EPB41L4A: variants seen among roughly 807,000 people sequenced by gnomAD.
The protein encoded by EPB41L4A is erythrocyte membrane protein band 4.1 like 4A.
EPB41L4A carries 100 observed loss-of-function variants against 108.6 expected under a neutral mutation model. The ratio of observed to expected loss-of-function variants is 0.92; its 90% CI spans 0.78 to 1.09. EPB41L4A has a LOEUF of 1.09. EPB41L4A is among the 50% of genes least tolerant of loss of function. The pLI is 0.00. For missense variants in EPB41L4A, 1,030 were observed against 842.7 expected, an observed-to-expected ratio of 1.22 and a Z score of -2.75; for synonymous variants, 319 against 289.0, an observed-to-expected ratio of 1.10 and a Z score of -1.05.
At chr5:112,364,973 A>ATTTACC (rs1480656404) in intron 1 of EPB41L4A, among the ~76,000 whole-genome samples, 1 of 152,202 alleles carries the variant, frequency 6.6e-6, no homozygotes, top group African/African-American at 2.4e-5. Context: ...ATCTAAGATT[A>ATTTACC]AGATAAATAT....
At chr5:112,419,300 T>G, upstream of EPB41L4A, 1 of 353,256 alleles carries the variant, frequency 2.8e-6, no homozygotes. Context: ...CGGTGGCGCG[T>G]CCCCGCGCAT....
chr5:112,404,716 C>T (rs1011753675), intron 1 of EPB41L4A, among the ~76,000 whole-genome samples: 1 of 152,152 alleles, frequency 6.6e-6, no homozygotes, highest in Non-Finnish European at 1.5e-5. Context: ...CAAAGCATAA[C>T]TCTAGATTTA....
At chr5:112,324,825 A>G (rs1453753826) in intron 1 of EPB41L4A, among the ~76,000 whole-genome samples, 1 of 152,082 alleles carries the variant, frequency 6.6e-6, no homozygotes, top group Non-Finnish European at 1.5e-5. Context: ...GCAGCAAAAG[A>G]GTAAATAATA....
At chr5:112,413,337 T>A (rs1358196428) in intron 1 of EPB41L4A, among the ~76,000 whole-genome samples, 9 of 152,240 alleles carry the variant, frequency 5.9e-5, no homozygotes, top group Non-Finnish European at 1.2e-4. Flanking sequence ...TTAGAGTATC[T>A]TGACAACAGA....
chr5:112,290,410 T>C (rs1283064499), intron 2 of EPB41L4A, among the ~76,000 whole-genome samples: 1 of 152,148 alleles, frequency 6.6e-6, no homozygotes, highest in Non-Finnish European at 1.5e-5. Context: ...TCAAATCTCT[T>C]AGGACCAGGG....
Position 112,240,725 on chromosome 5 carries a change from A to C in EPB41L4A, c.881T>G (p.Phe294Cys). ...LWKCSVEHHTFFRMPENESNS... is the reference protein window; with the variant it reads ...LWKCSVEHHTCFRMPENESNS... Reference sequence around the variant, plus strand: ...AATTTTTACATCAATTTACCTAAAAAATGTATGATGTTCCACACTGCACTT... The same window carrying C: ...AATTTTTACATCAATTTACCTAAAACATGTATGATGTTCCACACTGCACTT... The change falls in exon 10 of 23, where the codon TTT becomes TGT. Residue 294 changes from phenylalanine to cysteine, a missense_variant. Physicochemically the swap from Phe to Cys is radical, Grantham distance 205. Coordinates refer to ENST00000261486, the MANE Select transcript of EPB41L4A (RefSeq NM_022140.5). 1 of 1,533,008 alleles carries C rather than the reference A, an allele frequency of 6.5e-7. No homozygotes were observed. Among genetic ancestry groups the C allele is most frequent in the Non-Finnish European group, 8.7e-7 (1 of 1,148,070 alleles). 95.0% of individuals were successfully genotyped at this position (1,533,008 alleles called of 1,614,324 possible). A position where few individuals can be genotyped will look rare whatever the true frequency, so the allele number is the denominator to read the frequency against.
At chr5:112,230,371 C>A (rs1748801556) in intron 12 of EPB41L4A, among the ~76,000 whole-genome samples, 1 of 151,826 alleles carries the variant, frequency 6.6e-6, no homozygotes, top group African/African-American at 2.4e-5. Context: ...TTACTTTTCA[C>A]CATATCCACA....
At chr5:112,383,038 T>C (rs569949338) in intron 1 of EPB41L4A, among the ~76,000 whole-genome samples, 35 of 152,240 alleles carry the variant, frequency 2.3e-4, no homozygotes, top group Non-Finnish European at 4.4e-4. Context: ...AGGTAATAAA[T>C]GCCAATCAAG....
chr5:112,341,442 A>G (rs2150700462), intron 1 of EPB41L4A, among the ~76,000 whole-genome samples: 1 of 152,302 alleles, frequency 6.6e-6, no homozygotes, highest in East Asian at 1.9e-4. Flanking sequence ...AATAGCAGGG[A>G]TCATCAAATG....
intron 9 of EPB41L4A, among the ~76,000 whole-genome samples, chr5:112,244,634 G>A (rs1241792381): frequency 6.6e-6 from 1 of 152,128 alleles, no homozygotes; most frequent in African/African-American, 2.4e-5. Flanking sequence ...GGGGAAGGCT[G>A]GTCACCCTAC....
rs577615064 is a variant in EPB41L4A at position 112,226,621 on chromosome 5, T to C, written c.1087+8013A>G. On this transcript the variant is annotated intron_variant, in intron 12 of 22. Transcript: ENST00000261486. ...GTTTGTTCTTTCCAATTCATAGTCATAGAAAATCCCAAGAGGGCTGGAGAG... is the reference window on the plus strand; with the variant it reads ...GTTTGTTCTTTCCAATTCATAGTCACAGAAAATCCCAAGAGGGCTGGAGAG... 1.9e-4 allele frequency among the ~76,000 whole-genome samples: 29 copies of C among 151,942 alleles called. No homozygotes were observed. In the South Asian group the frequency reaches 5.6e-3, roughly 29 times the overall value.
chr5:112,297,736 T>C (rs1027795347), intron 2 of EPB41L4A, among the ~76,000 whole-genome samples: 1 of 152,188 alleles, frequency 6.6e-6, no homozygotes, highest in African/African-American at 2.4e-5. Flanking sequence ...GTTTTTCCAA[T>C]GTTATCTTCT....
At chr5:112,318,809 T>C (rs149049664) in intron 1 of EPB41L4A, among the ~76,000 whole-genome samples, 1 of 152,294 alleles carries the variant, frequency 6.6e-6, no homozygotes, top group East Asian at 1.9e-4. Flanking sequence ...ATACCAAACA[T>C]TAGTAATTCC....
chr5:112,158,461 G>C, downstream of EPB41L4A: 1 of 418,144 alleles, frequency 2.4e-6, no homozygotes, highest in Non-Finnish European at 4.7e-6. Context: ...ACAAATATCA[G>C]AGGTAGATAT....
intron 1 of EPB41L4A, among the ~76,000 whole-genome samples, chr5:112,415,185 T>G (rs907952199): frequency 1.3e-5 from 2 of 152,178 alleles, no homozygotes; most frequent in African/African-American, 4.8e-5. Context: ...TCCTAGCTTA[T>G]TAGGAAATTT....
chr5:112,255,003 T>C (rs1446827136), intron 9 of EPB41L4A, among the ~76,000 whole-genome samples: 2 of 152,074 alleles, frequency 1.3e-5, no homozygotes, highest in Non-Finnish European at 2.9e-5. Context: ...TCCACTGTTC[T>C]TCCATCTCTG....
intron 12 of EPB41L4A, among the ~76,000 whole-genome samples, chr5:112,233,983 T>C (rs1190088335): frequency 6.6e-6 from 1 of 151,696 alleles, no homozygotes; most frequent in Non-Finnish European, 1.5e-5. Flanking sequence ...TATGAGCCAT[T>C]GTGCCCAGCC....
In EPB41L4A at chr5:112,308,130, C is replaced by T. The variant is rs983376277; in HGVS notation, c.100-640G>A. Among the ~76,000 whole-genome samples, 4 of 152,164 alleles carry T rather than the reference C, an allele frequency of 2.6e-5. No homozygotes were observed. The East Asian group carries it at 7.7e-4, about 29-fold the overall frequency. On this transcript the variant is annotated intron_variant, in intron 1 of 22. Coordinates refer to ENST00000261486, the MANE Select transcript of EPB41L4A (RefSeq NM_022140.5). ...AGCTAATCTCTTCTCTCCCCACCTA[C>T]TACATATACAGATTCTTTAAATTAA...
chr5:112,297,226 T>C (rs1754051305), intron 2 of EPB41L4A, among the ~76,000 whole-genome samples: 1 of 152,212 alleles, frequency 6.6e-6, no homozygotes, highest in Non-Finnish European at 1.5e-5. Flanking sequence ...CTGTTTTCCA[T>C]AGTGGCTGTA....
Sources: allele counts gnomAD v4.1 joint callset (sites outside exome capture counted in the v4.1 genomes callset), GRCh38; gene constraint gnomAD v4.1.1; transcripts MANE v1.5; gene names NCBI Gene and HGNC (gene_info 2026-07-23, HGNC 2026-07-21).